DRD5: variants seen among roughly 807,000 people sequenced by gnomAD.
DRD5 encodes the protein D(1B) dopamine receptor.
For missense variants in DRD5, 758 were observed against 657.8 expected, an observed-to-expected ratio of 1.15 and a Z score of -1.67; for synonymous variants, 327 against 277.1, an observed-to-expected ratio of 1.18 and a Z score of -1.79.
rs777078579 is a variant in DRD5, at chr4:9,782,965, C to T, written c.936C>T (p.Phe312=). 3 of 1,614,078 alleles carry T rather than the reference C, an allele frequency of 1.9e-6. No individual in the cohort carries two copies. In the South Asian group the frequency reaches 3.3e-5, roughly 18 times the overall value. ...TCTTCGTGTGTTGCTGGCTGCCCTT[C>T]TTCATCCTTAACTGCATGGTCCCTT... ...MGVFVCCWLP[F]FILNCMVPFC... Residue 312 remains phenylalanine, a synonymous_variant, in exon 1 of 1, where the codon TTC becomes TTT. Transcript: ENST00000304374.
At position 9,783,742 on chromosome 4, in the gene DRD5, T is replaced by A. The variant is rs1322793353; in HGVS notation, c.*279T>A. The A allele has an allele frequency of 2.1e-5, 7 of 325,852 alleles. No individual in the cohort carries two copies. The highest frequency in any genetic ancestry group is 8.6e-5 in the South Asian group (1 of 11,690). 20.2% of individuals were successfully genotyped at this position (325,852 alleles called of 1,614,324 possible). A position where few individuals can be genotyped will look rare whatever the true frequency, so the allele number is the denominator to read the frequency against. On this transcript the variant is annotated 3_prime_UTR_variant, in exon 1 of 1. Transcript: ENST00000304374. Reference sequence around the variant, plus strand: ...GGTGCTGGGTCCTTAAAAAAAAAAATGATACTTGGTCCTTAAAAAATATGC... The same window carrying A: ...GGTGCTGGGTCCTTAAAAAAAAAAAAGATACTTGGTCCTTAAAAAATATGC...
rs1307460856 is a variant in DRD5, at chr4:9,781,976, T to C, written c.-54T>C. On this transcript the variant is annotated 5_prime_UTR_variant, in exon 1 of 1. Coordinates refer to ENST00000304374, the MANE Select transcript of DRD5 (RefSeq NM_000798.5). ...GGTGCCCGATGGGGCTGCCTGGGGG[T>C]CGCAGGGCTGAAGTTGGGACCGCGC... is the stretch of plus-strand genomic sequence containing the variant. The C allele has an allele frequency of 7.4e-7, 1 of 1,349,090 alleles. No individual in the cohort carries two copies. The highest frequency in any genetic ancestry group is 1.5e-5 in the African/African-American group (1 of 67,096). The allele number at this position is 1,349,090 out of a possible 1,614,324, so 83.6% of individuals were successfully genotyped here. A position where few individuals can be genotyped will look rare whatever the true frequency, so the allele number is the denominator to read the frequency against.
Position 9,783,184 on chromosome 4 carries a change from G to A in DRD5, c.1155G>A (p.Glu385=). 1 of 1,614,216 alleles carries A rather than the reference G, an allele frequency of 6.2e-7. No individual in the cohort carries two copies. Among genetic ancestry groups the A allele is most frequent in the Non-Finnish European group, 8.5e-7 (1 of 1,180,042 alleles). Residue 385 remains glutamate (E), a synonymous_variant, in exon 1 of 1, where the codon GAG becomes GAA. Coordinates refer to ENST00000304374, the MANE Select transcript of DRD5 (RefSeq NM_000798.5). ...ACTTCTGCTCCCGCACGCCGGTGGA[G>A]ACGGTGAACATCAGCAATGAGCTCA... The part of the protein sequence containing the change: ...CSHFCSRTPV[E]TVNISNELIS...
rs1320907478 is a variant in DRD5, at chr4:9,783,700, A to G, written c.*237A>G. The G allele has an allele frequency of 7.6e-6, 4 of 524,366 alleles. No individual in the cohort carries two copies. The highest frequency in any genetic ancestry group is 7.2e-5 in the Admixed American group (2 of 27,830). The allele number at this position is 524,366 out of a possible 1,614,324, so 32.5% of individuals were successfully genotyped here. On this transcript the variant is annotated 3_prime_UTR_variant, in exon 1 of 1. Coordinates refer to ENST00000304374, the MANE Select transcript of DRD5 (RefSeq NM_000798.5). ...CTACCAGAGATGGACCAACGATCCT[A>G]TGAGAGAAGAGAGTATGGTGCTGGG...
chr4:9,783,109 C>G lies in DRD5; in HGVS notation c.1080C>G (p.Ala360=), dbSNP rs1472626950. The G allele has an allele frequency of 6.2e-7, 1 of 1,614,244 alleles. No homozygotes were observed. The highest frequency in any genetic ancestry group is 8.5e-7 in the Non-Finnish European group (1 of 1,180,046). ...ANSSLNPVIY[A]FNADFQKVFA... is the part of the protein sequence containing the mutation. ...CCTCACTCAACCCCGTCATCTATGC[C>G]TTCAACGCCGACTTTCAGAAGGTGT... Residue 360 remains alanine, a synonymous_variant, in exon 1 of 1, where the codon GCC becomes GCG. Transcript: ENST00000304374.
chr4:9,783,088 A>G lies in DRD5; in HGVS notation c.1059A>G (p.Ser353=), dbSNP rs200984113. 9.3e-6 allele frequency: 15 copies of G among 1,613,980 alleles called. No homozygotes were observed. In the East Asian group the frequency reaches 1.3e-4, roughly 14 times the overall value. The change falls in exon 1 of 1, where the codon TCA becomes TCG. Residue 353 remains serine, a synonymous_variant. Transcript: ENST00000304374. The part of the protein sequence containing the change: ...VFVWFGWANS[S]LNPVIYAFNA... Reference sequence around the variant, plus strand: ...TCTGGTTCGGCTGGGCTAACTCCTCACTCAACCCCGTCATCTATGCCTTCA... The same window carrying G: ...TCTGGTTCGGCTGGGCTAACTCCTCGCTCAACCCCGTCATCTATGCCTTCA...
rs370625858 is a variant in DRD5 at position 9,783,130 on chromosome 4, G to T, written c.1101G>T (p.Lys367Asn). Reference protein sequence around the residue: ...VIYAFNADFQKVFAQLLGCSH... With the variant: ...VIYAFNADFQNVFAQLLGCSH... ...ATGCCTTCAACGCCGACTTTCAGAAGGTGTTTGCCCAGCTGCTGGGGTGCA... is the reference window on the plus strand; with the variant it reads ...ATGCCTTCAACGCCGACTTTCAGAATGTGTTTGCCCAGCTGCTGGGGTGCA... The change falls in exon 1 of 1, where the codon AAG (lysine) becomes AAT (asparagine). Residue 367 changes from lysine (K) to asparagine (N), a missense_variant. By Grantham distance (94) the Lys-to-Asn change is moderately conservative. Coordinates refer to ENST00000304374, the MANE Select transcript of DRD5 (RefSeq NM_000798.5). 1.2e-6 allele frequency: 2 copies of T among 1,614,232 alleles called. No individual in the cohort carries two copies. Among genetic ancestry groups the T allele is most frequent in the African/African-American group, 1.3e-5 (1 of 75,064 alleles).
In DRD5 at chr4:9,782,619, T is replaced by C. The variant is rs1418215612; in HGVS notation, c.590T>C (p.Leu197Pro). The C allele has an allele frequency of 4.3e-6, 7 of 1,613,826 alleles. No homozygotes were observed. The highest frequency in any genetic ancestry group is 1.3e-5 in the African/African-American group (1 of 74,928). Residue 197 changes from leucine (L) to proline (P), a missense_variant, in exon 1 of 1, where the codon CTG becomes CCG. Leu to Pro is a moderately conservative substitution (Grantham distance 98). Coordinates refer to ENST00000304374, the MANE Select transcript of DRD5 (RefSeq NM_000798.5). ...GGCGGGCTGGACCTGCCAAACAACC[T>C]GGCCAACTGGACGCCCTGGGAGGAG... The part of the protein sequence containing the change: ...SWGGLDLPNN[L>P]ANWTPWEEDF...
chr4:9,782,576 G>T lies in DRD5; in HGVS notation c.547G>T (p.Asp183Tyr). 1 of 1,613,926 alleles carries T rather than the reference G, an allele frequency of 6.2e-7. No homozygotes were observed. The highest frequency in any genetic ancestry group is 8.5e-7 in the Non-Finnish European group (1 of 1,179,866). The change falls in exon 1 of 1, where the codon GAC becomes TAC. Residue 183 changes from aspartate to tyrosine, a missense_variant. Physicochemically the swap from Asp to Tyr is radical, Grantham distance 160. Transcript: ENST00000304374. Reference sequence around the variant, plus strand: ...TCCGGTCCAGCTCAACTGGCACAGGGACCAGGCGGCCTCTTGGGGCGGGCT... The same window carrying T: ...TCCGGTCCAGCTCAACTGGCACAGGTACCAGGCGGCCTCTTGGGGCGGGCT... Reference protein sequence around the residue: ...FIPVQLNWHRDQAASWGGLDL... With the variant: ...FIPVQLNWHRYQAASWGGLDL...
Position 9,782,014 on chromosome 4 carries a change from T to G in DRD5, c.-16T>G, listed in dbSNP as rs774344700. ...GTTGGGACCGCGCACAGACCGCCCC[T>G]GCAGTCCAGCCCGAAATGCTGCCGC... On this transcript the variant is annotated 5_prime_UTR_variant, in exon 1 of 1. Transcript: ENST00000304374. 6.2e-6 allele frequency: 9 copies of G among 1,448,224 alleles called. No homozygotes were observed. Among genetic ancestry groups the G allele is most frequent in the Non-Finnish European group, 8.1e-6 (9 of 1,104,714 alleles). The allele number at this position is 1,448,224 out of a possible 1,614,324, so 89.7% of individuals were successfully genotyped here. A position where few individuals can be genotyped will look rare whatever the true frequency, so the allele number is the denominator to read the frequency against.
rs149304627 is a variant in DRD5 at position 9,782,539 on chromosome 4, C to T, written c.510C>T (p.Leu170=). 2 of 1,613,906 alleles carry T rather than the reference C, an allele frequency of 1.2e-6. No homozygotes were observed. Among genetic ancestry groups the T allele is most frequent in the South Asian group, 1.1e-5 (1 of 91,088 alleles). Residue 170 remains leucine, a synonymous_variant, in exon 1 of 1, where the codon CTC becomes CTT. Transcript: ENST00000304374. ...MVGLAWTLSI[L]ISFIPVQLNW... is the part of the protein sequence containing the mutation. ...GCCTGGCATGGACCTTGTCCATCCT[C>T]ATCTCCTTCATTCCGGTCCAGCTCA...
chr4:9,782,769 G>C lies in DRD5; in HGVS notation c.740G>C (p.Arg247Pro). ...PVAIMIVTYT[R>P]IYRIAQVQIR... is the part of the protein sequence containing the mutation. Reference sequence around the variant, plus strand: ...GCCATCATGATCGTGACCTACACGCGCATCTACCGCATCGCCCAGGTGCAG... The same window carrying C: ...GCCATCATGATCGTGACCTACACGCCCATCTACCGCATCGCCCAGGTGCAG... Residue 247 changes from arginine to proline, a missense_variant, in exon 1 of 1, where the codon CGC (arginine) becomes CCC (proline). Transcript: ENST00000304374. 6.2e-7 allele frequency: 1 copy of C among 1,613,986 alleles called. No homozygotes were observed. The highest frequency in any genetic ancestry group is 8.5e-7 in the Non-Finnish European group (1 of 1,179,868).
chr4:9,782,018 G>A lies in DRD5; in HGVS notation c.-12G>A. 1.4e-6 allele frequency: 2 copies of A among 1,453,524 alleles called. No individual in the cohort carries two copies. Among genetic ancestry groups the A allele is most frequent in the Non-Finnish European group, 1.8e-6 (2 of 1,107,752 alleles). The allele number at this position is 1,453,524 out of a possible 1,614,324, so 90.0% of individuals were successfully genotyped here. A position where few individuals can be genotyped will look rare whatever the true frequency, so the allele number is the denominator to read the frequency against. ...GGACCGCGCACAGACCGCCCCTGCA[G>A]TCCAGCCCGAAATGCTGCCGCCAGG... On this transcript the variant is annotated 5_prime_UTR_variant, in exon 1 of 1. Coordinates refer to ENST00000304374, the MANE Select transcript of DRD5 (RefSeq NM_000798.5).
rs1718626017 is a variant in DRD5 at position 9,782,665 on chromosome 4, G to A, written c.636G>A (p.Val212=). The A allele has an allele frequency of 2.5e-6, 4 of 1,614,042 alleles. No individual in the cohort carries two copies. The highest frequency in any genetic ancestry group is 2.2e-5 in the East Asian group (1 of 44,882). ...PWEEDFWEPD[V]NAENCDSSLN... is the part of the protein sequence containing the mutation. ...AGGAGGACTTTTGGGAGCCCGACGT[G>A]AATGCAGAGAACTGTGACTCCAGCC... The change falls in exon 1 of 1, where the codon GTG becomes GTA. Residue 212 remains valine, a synonymous_variant. Coordinates refer to ENST00000304374, the MANE Select transcript of DRD5 (RefSeq NM_000798.5).
chr4:9,783,648 C>T lies in DRD5; in HGVS notation c.*185C>T. The T allele has an allele frequency of 1.6e-6, 1 of 625,668 alleles. No homozygotes were observed. The highest frequency in any genetic ancestry group is 2.8e-6 in the Non-Finnish European group (1 of 356,776). The allele number at this position is 625,668 out of a possible 1,614,324, so 38.8% of individuals were successfully genotyped here. A position where few individuals can be genotyped will look rare whatever the true frequency, so the allele number is the denominator to read the frequency against. Reference sequence around the variant, plus strand: ...TTCGAAGAATTGGCAGAAGCAGTTGCAATAAACTCAGTCAAATGTACCCAG... The same window carrying T: ...TTCGAAGAATTGGCAGAAGCAGTTGTAATAAACTCAGTCAAATGTACCCAG... On this transcript the variant is annotated 3_prime_UTR_variant, in exon 1 of 1. Transcript: ENST00000304374.
Position 9,783,310 on chromosome 4 carries a change from C to A in DRD5, c.1281C>A (p.Asn427Lys), listed in dbSNP as rs763038112. The A allele has an allele frequency of 1.9e-6, 3 of 1,614,212 alleles. No individual in the cohort carries two copies. The highest frequency in any genetic ancestry group is 1.7e-5 in the Admixed American group (1 of 60,022). The stretch of plus-strand genomic sequence containing the variant: ...CCCCCGGCAACCGGGAGGTGGACAA[C>A]GACGAGGAGGAGGGTCCTTTCGATC... ...AVTPGNREVD[N>K]DEEEGPFDRM... Residue 427 changes from asparagine to lysine, a missense_variant, in exon 1 of 1, where the codon AAC becomes AAA. By Grantham distance (94) the Asn-to-Lys change is moderately conservative (BLOSUM62 0). Transcript: ENST00000304374.
Position 9,782,493 on chromosome 4 carries a change from G to T in DRD5, c.464G>T (p.Arg155Leu), listed in dbSNP as rs556526603. Residue 155 changes from arginine to leucine, a missense_variant, in exon 1 of 1, where the codon CGC becomes CTC. Arg to Leu is a moderately radical substitution (Grantham distance 102). Coordinates refer to ENST00000304374, the MANE Select transcript of DRD5 (RefSeq NM_000798.5). ...CGCTACAAGCGCAAGATGACTCAGCGCATGGCCTTGGTCATGGTCGGCCTG... is the reference window on the plus strand; with the variant it reads ...CGCTACAAGCGCAAGATGACTCAGCTCATGGCCTTGGTCATGGTCGGCCTG... ...PFRYKRKMTQ[R>L]MALVMVGLAW... 1 of 1,613,942 alleles carries T rather than the reference G, an allele frequency of 6.2e-7. No homozygotes were observed. The highest frequency in any genetic ancestry group is 2.2e-5 in the East Asian group (1 of 44,862).
In DRD5 at chr4:9,782,781, T is replaced by G. The variant is rs1718650679; in HGVS notation, c.752T>G (p.Ile251Ser). The G allele has an allele frequency of 1.2e-6, 2 of 1,613,846 alleles. No homozygotes were observed. Among genetic ancestry groups the G allele is most frequent in the South Asian group, 2.2e-5 (2 of 91,084 alleles). ...GTGACCTACACGCGCATCTACCGCATCGCCCAGGTGCAGATCCGCAGGATT... is the reference window on the plus strand; with the variant it reads ...GTGACCTACACGCGCATCTACCGCAGCGCCCAGGTGCAGATCCGCAGGATT... Reference protein sequence around the residue: ...MIVTYTRIYRIAQVQIRRISS... With the variant: ...MIVTYTRIYRSAQVQIRRISS... Residue 251 changes from isoleucine to serine, a missense_variant, in exon 1 of 1, where the codon ATC becomes AGC. Physicochemically the swap from Ile to Ser is moderately radical, Grantham distance 142. Coordinates refer to ENST00000304374, the MANE Select transcript of DRD5 (RefSeq NM_000798.5).
chr4:9,783,897 G>A lies in DRD5; in HGVS notation c.*434G>A, dbSNP rs141292564. 683 of 177,398 alleles carry A rather than the reference G, an allele frequency of 3.9e-3. 7 individuals are homozygous for A. The highest frequency in any genetic ancestry group is 0.016 in the African/African-American group (655 of 41,708). 11.0% of individuals were successfully genotyped at this position (177,398 alleles called of 1,614,324 possible). On this transcript the variant is annotated 3_prime_UTR_variant, in exon 1 of 1. Transcript: ENST00000304374. ...ACAGCTTTCCTGGGTCTGGATTCCC[G>A]TGGCTTTGTGCTTATGTCATTTCTT...
Sources: allele counts gnomAD v4.1 joint callset, GRCh38; gene constraint gnomAD v4.1.1; transcripts MANE v1.5; gene names NCBI Gene and HGNC (gene_info 2026-07-23, HGNC 2026-07-21).